The following TGFBR1 variants were observed in gnomAD, a reference collection of about 807,000 sequenced individuals.
The protein encoded by TGFBR1 is transforming growth factor beta receptor 1.
Under a neutral mutation model 55.1 loss-of-function variants are expected in TGFBR1, and 20 were observed. That is an observed-to-expected ratio of 0.36 (90% CI 0.26 to 0.53). TGFBR1 has a LOEUF of 0.53. TGFBR1 is among the 20% of genes least tolerant of loss of function. The pLI, the probability that TGFBR1 is intolerant of heterozygous loss-of-function variation, is 0.91. For missense variants in TGFBR1, 385 were observed against 617.6 expected (o/e 0.62, Z 3.99); for synonymous variants, 220 against 214.8 (o/e 1.02, Z -0.21).
intron 1 of TGFBR1, among the ~76,000 whole-genome samples, chr9:99,126,968 C>A (rs184759781): frequency 1.4e-3 from 212 of 152,262 alleles, no homozygotes; most frequent in Non-Finnish European, 2.1e-3. Context: ...AACCAAGAAA[C>A]AGCTACTTGA....
intron 3 of TGFBR1, among the ~76,000 whole-genome samples, chr9:99,135,192 C>T: frequency 6.6e-6 from 1 of 152,094 alleles, no homozygotes; most frequent in East Asian, 1.9e-4. Flanking sequence ...TTGTACAAAA[C>T]TTAGTTTAAG....
Position 99,128,861 on chromosome 9 carries a change from A to G in TGFBR1, c.104A>G (p.Gln35Arg), listed in dbSNP as rs772361141. Residue 35 changes from glutamine (Q) to arginine (R), a missense_variant, in exon 2 of 9, where the codon CAG (glutamine) becomes CGG (arginine). Coordinates refer to ENST00000374994, the MANE Select transcript of TGFBR1 (RefSeq NM_004612.4). ...AATCTTTCTCTTTTTCCAGCGTTACAGTGTTTCTGCCACCTCTGTACAAAA... is the reference window on the plus strand; with the variant it reads ...AATCTTTCTCTTTTTCCAGCGTTACGGTGTTTCTGCCACCTCTGTACAAAA... ...AALLPGATAL[Q>R]CFCHLCTKDN... The G allele has an allele frequency of 1.9e-6, 3 of 1,613,768 alleles. No homozygotes were observed.
In TGFBR1 at chr9:99,132,628, C is replaced by T. The variant is rs751679796; in HGVS notation, c.463C>T (p.His155Tyr). The T allele has an allele frequency of 6.2e-7, 1 of 1,614,048 alleles. No homozygotes were observed. Among genetic ancestry groups the T allele is most frequent in the Non-Finnish European group, 8.5e-7 (1 of 1,180,030 alleles). ...VYICHNRTVI[H>Y]HRVPNEEDPS... The stretch of plus-strand genomic sequence containing the variant: ...TATCTGCCACAACCGCACTGTCATT[C>T]ACCATCGAGTGCCAAATGAAGAGGA... The change falls in exon 3 of 9, where the codon CAC (histidine) becomes TAC (tyrosine). Residue 155 changes from histidine to tyrosine, a missense_variant. By Grantham distance (83) the His-to-Tyr change is moderately conservative. Coordinates refer to ENST00000374994, the MANE Select transcript of TGFBR1 (RefSeq NM_004612.4).
rs1435950546 is a variant in TGFBR1, at chr9:99,134,836, A to T, written c.574+2097A>T. ...TATATATATATATATATATATATAT[A>T]TATATATATATATATATTTCTAGAT... On this transcript the variant is annotated intron_variant, in intron 3 of 8. Coordinates refer to ENST00000374994, the MANE Select transcript of TGFBR1 (RefSeq NM_004612.4). 1.6e-3 allele frequency among the ~76,000 whole-genome samples: 190 copies of T among 117,292 alleles called. 6 individuals are homozygous for T. The highest frequency in any genetic ancestry group is 5.5e-3 in the African/African-American group (183 of 33,118). The allele number at this position is 117,292 out of a possible 152,430, so 76.9% of individuals were successfully genotyped here. A position where few individuals can be genotyped will look rare whatever the true frequency, so the allele number is the denominator to read the frequency against.
intron 1 of TGFBR1, among the ~76,000 whole-genome samples, chr9:99,106,272 TC>T (rs1588556254): frequency 6.6e-6 from 1 of 152,166 alleles, no homozygotes; most frequent in East Asian, 1.9e-4. Context: ...AAATAGTAAA[TC>T]AGGTTGGGGT....
chr9:99,103,834 G>T (rs900508709), upstream of TGFBR1, among the ~76,000 whole-genome samples: 1 of 152,218 alleles, frequency 6.6e-6, no homozygotes, highest in Non-Finnish European at 1.5e-5. Context: ...CCGGAAGGAA[G>T]CCTTCACAGG....
chr9:99,154,098 A>G lies in TGFBR1; in HGVS notation c.*4793A>G, dbSNP rs77001090. 5 of 208,352 alleles carry G rather than the reference A, an allele frequency of 2.4e-5. No homozygotes were observed. In the East Asian group the frequency reaches 3.7e-4, roughly 15 times the overall value. The allele number at this position is 208,352 out of a possible 1,614,324, so 12.9% of individuals were successfully genotyped here. A position where few individuals can be genotyped will look rare whatever the true frequency, so the allele number is the denominator to read the frequency against. On this transcript the variant is annotated 3_prime_UTR_variant, in exon 9 of 9. Transcript: ENST00000374994. ...TTCAATTTGAAGGCTGGATTTAGGG[A>G]TTTTTTTTTTTCCTTATAACAAAGA...
Position 99,137,822 on chromosome 9 carries a change from G to T in TGFBR1, c.575-37G>T, listed in dbSNP as rs375556473. The T allele has an allele frequency of 9.7e-6, 15 of 1,541,594 alleles. No individual in the cohort carries two copies. In the African/African-American group the frequency reaches 2.0e-4, roughly 21 times the overall value. ...CATGATGTTTGAAACATGTAATATT[G>T]TTGATTGTGTTGAGTACTATTTATT... is the stretch of plus-strand genomic sequence containing the variant. On this transcript the variant is annotated intron_variant, in intron 3 of 8. Transcript: ENST00000374994.
At chr9:99,147,519 A>G (rs760216519) in intron 7 of TGFBR1, 135 bp from the exon 8 acceptor site, 4 of 812,076 alleles carry the variant, frequency 4.9e-6, no homozygotes, top group Non-Finnish European at 7.8e-6. Context: ...GATGAGATAG[A>G]GAAAGCTGTA....
intron 1 of TGFBR1, among the ~76,000 whole-genome samples, chr9:99,119,667 G>C (rs1351196780): frequency 6.6e-6 from 1 of 152,020 alleles, no homozygotes; most frequent in Non-Finnish European, 1.5e-5. Flanking sequence ...ATTTATTAGG[G>C]ATATTACATA....
rs189845283 is a variant in TGFBR1 at position 99,118,065 on chromosome 9, C to G, written c.98-10790C>G. On this transcript the variant is annotated intron_variant, in intron 1 of 8. Transcript: ENST00000374994. The stretch of plus-strand genomic sequence containing the variant: ...TAAGCTTTCTCTGCAGAGGTCTTTA[C>G]CTGTCTTTTGTTAGGTTTATTCCTA... 1.2e-3 allele frequency among the ~76,000 whole-genome samples: 181 copies of G among 152,188 alleles called. 1 individual carries two copies. The highest frequency in any genetic ancestry group is 4.0e-3 in the African/African-American group (165 of 41,548).
intron 5 of TGFBR1, 150 bp downstream of exon 5, chr9:99,142,853 G>T: frequency 1.2e-6 from 1 of 826,774 alleles, no homozygotes; most frequent in Non-Finnish European, 1.9e-6. Context: ...GATCTCAGGA[G>T]TTCATGGCCA....
intron 4 of TGFBR1, among the ~76,000 whole-genome samples, chr9:99,138,630 C>T (rs954376014): frequency 6.6e-6 from 1 of 152,180 alleles, no homozygotes; most frequent in Non-Finnish European, 1.5e-5. Context: ...TGTACGGACA[C>T]TTTTCTGCCT....
At position 99,132,722 on chromosome 9, in the gene TGFBR1, C is replaced by T. The variant is rs144313652; in HGVS notation, c.557C>T (p.Thr186Met). The T allele has an allele frequency of 8.7e-6, 14 of 1,614,004 alleles. No homozygotes were observed. Among genetic ancestry groups the T allele is most frequent in the East Asian group, 2.2e-5 (1 of 44,902 alleles). ...TLKDLIYDMT[T>M]SGSGSGLPLL... The stretch of plus-strand genomic sequence containing the variant: ...AAAGACTTAATTTATGATATGACAA[C>T]GTCAGGTTCTGGCTCAGGTAACATA... Residue 186 changes from threonine to methionine, a missense_variant, in exon 3 of 9, where the codon ACG (threonine) becomes ATG (methionine). Thr to Met is a moderately conservative substitution (Grantham distance 81). Coordinates refer to ENST00000374994, the MANE Select transcript of TGFBR1 (RefSeq NM_004612.4).
chr9:99,145,335 T>G (rs1827757148), intron 6 of TGFBR1, among the ~76,000 whole-genome samples: 1 of 152,202 alleles, frequency 6.6e-6, no homozygotes, highest in Non-Finnish European at 1.5e-5. Context: ...ACCCTACTGT[T>G]TCTCAGCCTC....
intron 3 of TGFBR1, among the ~76,000 whole-genome samples, chr9:99,134,444 G>A (rs1050598121): frequency 2.0e-5 from 3 of 152,136 alleles, no homozygotes; most frequent in Non-Finnish European, 4.4e-5. Flanking sequence ...AGGCCTGGTG[G>A]ACAGAGGTTA....
At chr9:99,113,515 A>G (rs949739838) in intron 1 of TGFBR1, among the ~76,000 whole-genome samples, 2 of 152,180 alleles carry the variant, frequency 1.3e-5, no homozygotes, top group African/African-American at 4.8e-5. Flanking sequence ...ATATTTGTTT[A>G]TAGGAGTAGT....
At chr9:99,149,129 C>T (rs950265544) in intron 8 of TGFBR1, 51 bp from the exon 9 acceptor site, 14 of 1,544,932 alleles carry the variant, frequency 9.1e-6, no homozygotes, top group Admixed American at 3.9e-5. Flanking sequence ...CTTATCCAGA[C>T]CAATGGAAAA....
intron 1 of TGFBR1, among the ~76,000 whole-genome samples, chr9:99,125,031 C>T (rs1827000391): frequency 6.6e-6 from 1 of 151,954 alleles, no homozygotes; most frequent in Admixed American, 6.6e-5. Flanking sequence ...AAACAAAATT[C>T]AAATGAATAC....
Sources: allele counts gnomAD v4.1 joint callset (sites outside exome capture counted in the v4.1 genomes callset), GRCh38; gene constraint gnomAD v4.1.1; transcripts MANE v1.5; gene names NCBI Gene and HGNC (gene_info 2026-07-23, HGNC 2026-07-21).